The following SLIT3 variants were observed in gnomAD, a reference collection of about 807,000 sequenced individuals.
The protein encoded by SLIT3 is slit homolog 3 protein.
Under a neutral mutation model 184.0 loss-of-function variants are expected in SLIT3, and 68 were observed. The ratio of observed to expected loss-of-function variants is 0.37; its 90% CI spans 0.30 to 0.45. SLIT3 has a LOEUF of 0.45. Ranked by LOEUF, SLIT3 falls within the 20% of genes least tolerant of loss-of-function variation. The pLI is 1.00. For missense variants in SLIT3, 1,707 were observed against 2,026.0 expected, an observed-to-expected ratio of 0.84 and a Z score of 3.02; for synonymous variants, 831 against 828.6, an observed-to-expected ratio of 1.00 and a Z score of -0.05.
intron 3 of SLIT3, among the ~76,000 whole-genome samples, chr5:169,203,024 G>A (rs1340644885): frequency 2.0e-5 from 3 of 152,136 alleles, no homozygotes; most frequent in Non-Finnish European, 2.9e-5. Flanking sequence ...AACGAAGGGG[G>A]TGAGGGAGAA....
Position 168,687,066 on chromosome 5 carries a change from T to G in SLIT3, c.3227A>C (p.Asp1076Ala). ...GCGGCACTTGTGGGCCACACAGTCA[T>G]CATTGTCTGTCTCACAGAGCTTCCC... ...YSGKLCETDN[D>A]DCVAHKCRHG... Residue 1076 changes from aspartate to alanine, a missense_variant, in exon 30 of 36, where the codon GAT becomes GCT. By Grantham distance (126) the Asp-to-Ala change is moderately radical. Around this residue, in one of 3 missense-constraint regions of SLIT3, gnomAD observed 1,307 missense variants for 1,511.6 expected, o/e 0.86. Transcript: ENST00000519560. The G allele has an allele frequency of 1.2e-6, 2 of 1,614,230 alleles. No individual in the cohort carries two copies. Among genetic ancestry groups the G allele is most frequent in the Non-Finnish European group, 1.7e-6 (2 of 1,180,022 alleles).
At position 168,680,115 on chromosome 5, in the gene SLIT3, C is replaced by T. The variant is rs1183835456; in HGVS notation, c.3686+3851G>A. ...CTGCTGGAGCTGAGGTCAGCCACTC[C>T]TTTGGATGGGGCTCCACCCTTTAGG... On this transcript the variant is annotated intron_variant, in intron 32 of 35. Coordinates refer to ENST00000519560, the MANE Select transcript of SLIT3 (RefSeq NM_003062.4). Among the ~76,000 whole-genome samples, 4 of 152,374 alleles carry T rather than the reference C, an allele frequency of 2.6e-5. No individual in the cohort carries two copies. In the East Asian group the frequency reaches 5.8e-4, roughly 22 times the overall value.
chr5:168,694,593 G>GTC (rs996674636), intron 28 of SLIT3, among the ~76,000 whole-genome samples: 1 of 151,990 alleles, frequency 6.6e-6, no homozygotes, highest in African/African-American at 2.4e-5. Context: ...CTCTCTCTCT[G>GTC]TCTCTCTCTC....
In SLIT3 at chr5:168,952,846, GGA is replaced by G. The variant is rs1762706157; in HGVS notation, c.414-69512_414-69511del. Among the ~76,000 whole-genome samples the G allele has an allele frequency of 2.0e-5, 3 of 152,344 alleles. No individual in the cohort carries two copies. In the South Asian group the frequency reaches 6.2e-4, roughly 32 times the overall value. On this transcript the variant is annotated intron_variant, in intron 4 of 35. Coordinates refer to ENST00000519560, the MANE Select transcript of SLIT3 (RefSeq NM_003062.4). Reference sequence around the variant, plus strand: ...CACAGCAATGAGGTTTCGCAGTCGGGGAGAGAGATTGGGCTCAACTCTGAATA... The same window carrying G: ...CACAGCAATGAGGTTTCGCAGTCGGGGAGAGATTGGGCTCAACTCTGAATA...
intron 1 of SLIT3, among the ~76,000 whole-genome samples, chr5:169,293,406 T>C (rs1006645712): frequency 1.9e-4 from 29 of 151,984 alleles, no homozygotes; most frequent in African/African-American, 6.8e-4. Flanking sequence ...CTTCGTGTGG[T>C]TGGAACTTGG....
chr5:168,741,110 G>A (rs375527161), intron 20 of SLIT3, among the ~76,000 whole-genome samples: 187 of 152,216 alleles, frequency 1.2e-3, no homozygotes, highest in African/African-American at 4.4e-3. Flanking sequence ...CCTTCCCCTG[G>A]GCTGGCAGCC....
chr5:168,943,220 CAGA>C (rs1288174757), intron 4 of SLIT3, among the ~76,000 whole-genome samples: 7 of 152,060 alleles, frequency 4.6e-5, no homozygotes, highest in South Asian at 2.1e-4. Flanking sequence ...GTGAATACAC[CAGA>C]AGAAGGGTTT....
intron 3 of SLIT3, among the ~76,000 whole-genome samples, chr5:169,235,973 A>C (rs1432067032): frequency 1.3e-5 from 2 of 152,058 alleles, no homozygotes; most frequent in African/African-American, 4.8e-5. Flanking sequence ...TTCACATAGA[A>C]CTCTTTCGAA....
chr5:169,053,678 C>A (rs1757888442), intron 4 of SLIT3, among the ~76,000 whole-genome samples: 1 of 152,164 alleles, frequency 6.6e-6, no homozygotes, highest in African/African-American at 2.4e-5. Context: ...CAACTCTATT[C>A]AACTCTGGAA....
intron 4 of SLIT3, among the ~76,000 whole-genome samples, chr5:168,962,180 G>T (rs1009459051): frequency 6.6e-6 from 1 of 151,960 alleles, no homozygotes; most frequent in African/African-American, 2.4e-5. Flanking sequence ...ACAGGCTCAG[G>T]GCATCTCCCA....
intron 4 of SLIT3, among the ~76,000 whole-genome samples, chr5:169,075,588 G>A (rs1471146975): frequency 6.6e-6 from 1 of 152,182 alleles, no homozygotes; most frequent in Non-Finnish European, 1.5e-5. Context: ...CTTTCTTCAA[G>A]GAAATTTGTG....
intron 26 of SLIT3, among the ~76,000 whole-genome samples, chr5:168,704,366 C>T (rs1352716824): frequency 3.3e-5 from 5 of 152,228 alleles, no homozygotes; most frequent in African/African-American, 1.2e-4. Context: ...AGTACACACA[C>T]AGCCCCTTTT....
chr5:169,211,035 A>G (rs1764248682), intron 3 of SLIT3, among the ~76,000 whole-genome samples: 1 of 152,158 alleles, frequency 6.6e-6, no homozygotes, highest in African/African-American at 2.4e-5. Context: ...ATTTGCCATC[A>G]AAAAATATGC....
rs535981409 is a variant in SLIT3 at position 168,861,245 on chromosome 5, T to A, written c.486-16590A>T. Among the ~76,000 whole-genome samples, 230 of 152,148 alleles carry A rather than the reference T, an allele frequency of 1.5e-3. 2 individuals are homozygous for A. Among genetic ancestry groups the A allele is most frequent in the African/African-American group, 4.0e-3 (168 of 41,494 alleles). ...TACATTAGGTGTATCTCCTAATGCT[T>A]TCCCTCCCCCATCCCCCCATCCCAC... On this transcript the variant is annotated intron_variant, in intron 5 of 35. Transcript: ENST00000519560.
In SLIT3 at chr5:169,281,004, C is replaced by T. The variant is rs7701933; in HGVS notation, c.197+19509G>A. Among the ~76,000 whole-genome samples the T allele has an allele frequency of 7.6e-3, 1,164 of 152,188 alleles. 16 individuals carry two copies. Among genetic ancestry groups the T allele is most frequent in the African/African-American group, 0.027 (1,118 of 41,512 alleles). Reference sequence around the variant, plus strand: ...AAACATAATGTCAAATGGCAGCTGACGTACTGTCTCAGTGTTGGGGTCACA... The same window carrying T: ...AAACATAATGTCAAATGGCAGCTGATGTACTGTCTCAGTGTTGGGGTCACA... On this transcript the variant is annotated intron_variant, in intron 1 of 35. Transcript: ENST00000519560.
At chr5:169,133,273 T>C (rs1474220759) in intron 4 of SLIT3, among the ~76,000 whole-genome samples, 1 of 152,260 alleles carries the variant, frequency 6.6e-6, no homozygotes, top group Non-Finnish European at 1.5e-5. Context: ...TGCTTCACTT[T>C]ACAGTGTTTG....
intron 4 of SLIT3, among the ~76,000 whole-genome samples, chr5:169,136,712 G>A (rs752484833): frequency 1.3e-5 from 2 of 152,136 alleles, no homozygotes; most frequent in Non-Finnish European, 2.9e-5. Context: ...CTTTCCCATT[G>A]GAGAATGGGC....
At chr5:168,754,804 G>C (rs1330572226) in intron 16 of SLIT3, among the ~76,000 whole-genome samples, 1 of 152,060 alleles carries the variant, frequency 6.6e-6, no homozygotes, top group Non-Finnish European at 1.5e-5. Flanking sequence ...GTTTTTTTCT[G>C]TGTAATTGTC....
chr5:168,722,134 A>G, intron 23 of SLIT3, 122 bp downstream of exon 23: 1 of 791,458 alleles, frequency 1.3e-6, no homozygotes, highest in Non-Finnish European at 2.1e-6. Context: ...GGTGCTGGGT[A>G]GGAAGGTGTG....
Sources: gnomAD v4.1 joint callset for allele counts (sites outside exome capture counted in the v4.1 genomes callset) on GRCh38, gnomAD v4.1.1 for gene constraint, gnomAD v4.1.1 regional missense constraint, MANE v1.5 for transcripts, NCBI Gene and HGNC (gene_info 2026-07-23, HGNC 2026-07-21) for gene names.